Variants in DLG2 observed in about 807,000 individuals in gnomAD.
The protein encoded by DLG2 is discs large MAGUK scaffold protein 2, also known as disks large homolog 2.
In DLG2, 45 loss-of-function variants were observed where a neutral mutation model predicts 132.5. The observed-to-expected ratio is 0.34, with a 90% CI of 0.27 to 0.44. The LOEUF (loss-of-function observed/expected upper bound fraction) is 0.44. Among genes scored for constraint, DLG2 ranks in the 20% least tolerant of loss-of-function variants. The pLI is 1.00. For synonymous variants in DLG2, 424 were observed against 419.6 expected (o/e 1.01, Z -0.13); for missense variants, 1,045 against 1,196.9 (o/e 0.87, Z 1.87).
In DLG2 at chr11:84,307,478, C is replaced by G. The variant is rs188604089; in HGVS notation, c.520-56187G>C. Among the ~76,000 whole-genome samples the G allele has an allele frequency of 6.4e-3, 974 of 152,152 alleles. 4 individuals are homozygous for G. The highest frequency in any genetic ancestry group is 0.01 in the Non-Finnish European group (700 of 67,998). ...GCCGCAGGCCAAGGCGGGTGGATCA[C>G]GAAGTCAGGAGATCCAGACCATCCT... is the stretch of plus-strand genomic sequence containing the variant. On this transcript the variant is annotated intron_variant, in intron 7 of 27. Transcript: ENST00000376104.
At chr11:83,953,570 G>A (rs2086040415) in intron 14 of DLG2, among the ~76,000 whole-genome samples, 2 of 152,132 alleles carry the variant, frequency 1.3e-5, no homozygotes, top group African/African-American at 2.4e-5. Context: ...AAAGGTTAGG[G>A]ACCACTGATA....
At chr11:83,678,156 A>G (rs2078092512) in intron 18 of DLG2, among the ~76,000 whole-genome samples, 1 of 152,210 alleles carries the variant, frequency 6.6e-6, no homozygotes. Context: ...CCTCTGAACT[A>G]GAAAAGCCAA....
At chr11:84,177,318 G>A (rs1034428707) in intron 8 of DLG2, among the ~76,000 whole-genome samples, 6 of 151,836 alleles carry the variant, frequency 4.0e-5, no homozygotes, top group African/African-American at 9.7e-5. Context: ...GCCCTCCTAC[G>A]CACTCTAATA....
In DLG2 at chr11:84,481,351, A is replaced by G. The variant is rs544411136; in HGVS notation, c.519+53219T>C. On this transcript the variant is annotated intron_variant, in intron 7 of 27. Transcript: ENST00000376104. ...CTGCATCATTAGATCTCTTCTGCTG[A>G]GTCTTCTTTTACCCAGAGGCCTCTT... Among the ~76,000 whole-genome samples the G allele has an allele frequency of 2.0e-5, 3 of 152,096 alleles. No homozygotes were observed. The South Asian group carries it at 6.2e-4, about 32-fold the overall frequency.
At chr11:85,430,789 C>G (rs2091124140) in intron 3 of DLG2, among the ~76,000 whole-genome samples, 1 of 146,408 alleles carries the variant, frequency 6.8e-6, no homozygotes, top group Non-Finnish European at 1.5e-5. Flanking sequence ...AACACTCAAT[C>G]AGGAAAACAT....
intron 10 of DLG2, among the ~76,000 whole-genome samples, chr11:84,084,086 C>T (rs1441257940): frequency 6.6e-6 from 1 of 151,876 alleles, no homozygotes; most frequent in Admixed American, 6.6e-5. Context: ...TTGACAGTGC[C>T]AGCTTTATGA....
At chr11:85,009,796 A>C (rs925846194) in intron 6 of DLG2, among the ~76,000 whole-genome samples, 1 of 152,070 alleles carries the variant, frequency 6.6e-6, no homozygotes, top group African/African-American at 2.4e-5. Context: ...AAATGCAGCA[A>C]TTAGAGTTTA....
chr11:84,376,115 T>A (rs570642996), intron 7 of DLG2, among the ~76,000 whole-genome samples: 17 of 152,150 alleles, frequency 1.1e-4, no homozygotes, highest in Admixed American at 1.1e-3. Context: ...TTTGCTTAAA[T>A]TATCATCAAT....
chr11:85,291,504 T>C (rs2078887354), intron 3 of DLG2, among the ~76,000 whole-genome samples: 1 of 152,108 alleles, frequency 6.6e-6, no homozygotes, highest in Non-Finnish European at 1.5e-5. Flanking sequence ...CATTTGGTTT[T>C]TGGTGATTGG....
intron 6 of DLG2, among the ~76,000 whole-genome samples, chr11:84,973,600 A>T (rs913245274): frequency 2.0e-5 from 3 of 152,202 alleles, no homozygotes; most frequent in Non-Finnish European, 4.4e-5. Context: ...CATTGATACA[A>T]AATGATTTGA....
chr11:83,618,346 T>C (rs1235217686), intron 19 of DLG2, among the ~76,000 whole-genome samples: 3 of 152,202 alleles, frequency 2.0e-5, no homozygotes, highest in South Asian at 2.1e-4. Flanking sequence ...ATGAGAGAGA[T>C]TGGAGTATAA....
chr11:84,507,665 G>A (rs1370498389), intron 7 of DLG2, among the ~76,000 whole-genome samples: 2 of 152,154 alleles, frequency 1.3e-5, no homozygotes, highest in African/African-American at 4.8e-5. Flanking sequence ...AGTCCGTTGA[G>A]AGTTTTTCAT....
chr11:83,895,579 G>C (rs1165878140), intron 15 of DLG2, among the ~76,000 whole-genome samples: 1 of 151,944 alleles, frequency 6.6e-6, no homozygotes, highest in African/African-American at 2.4e-5. Flanking sequence ...CTTCACACAG[G>C]GCCCTTTAAA....
intron 7 of DLG2, among the ~76,000 whole-genome samples, chr11:84,353,946 A>C (rs1004707500): frequency 1.2e-4 from 18 of 152,078 alleles, no homozygotes; most frequent in African/African-American, 4.3e-4. Context: ...AGATCCCCCC[A>C]CTCTCATTCC....
In DLG2 at chr11:85,576,321, A is replaced by T. The variant is rs114075384; in HGVS notation, c.40+22336T>A. Among the ~76,000 whole-genome samples, 533 of 152,222 alleles carry T rather than the reference A, an allele frequency of 3.5e-3. 1 individual carries two copies. Among genetic ancestry groups the T allele is most frequent in the African/African-American group, 0.012 (518 of 41,542 alleles). On this transcript the variant is annotated intron_variant, in intron 3 of 27. Coordinates refer to ENST00000376104, the MANE Select transcript of DLG2 (RefSeq NM_001142699.3). ...TGTTTTGATTGTTGCATACCAGCAA[A>T]CTCCAAGAGATTGCCTAGCAATGCA...
At position 83,455,711 on chromosome 11, in the gene DLG2, C is replaced by T. The variant is rs527522901; in HGVS notation, c.*4107G>A. The T allele has an allele frequency of 9.2e-5, 14 of 152,644 alleles. No homozygotes were observed. Among genetic ancestry groups the T allele is most frequent in the Admixed American group, 3.9e-4 (6 of 15,292 alleles). 9.5% of individuals were successfully genotyped at this position (152,644 alleles called of 1,614,324 possible). A position where few individuals can be genotyped will look rare whatever the true frequency, so the allele number is the denominator to read the frequency against. On this transcript the variant is annotated 3_prime_UTR_variant, in exon 28 of 28. Transcript: ENST00000376104. ...CCACAGTCATTCATACTCAATGTAACGTGTGTACATGGTATACATACCATA... is the reference window on the plus strand; with the variant it reads ...CCACAGTCATTCATACTCAATGTAATGTGTGTACATGGTATACATACCATA...
chr11:83,886,752 C>T (rs191805591), intron 15 of DLG2, among the ~76,000 whole-genome samples: 114 of 152,290 alleles, frequency 7.5e-4, no homozygotes, highest in East Asian at 1.9e-3. Context: ...AACTGTCTCT[C>T]AGACCACAGC....
intron 22 of DLG2, among the ~76,000 whole-genome samples, chr11:83,479,157 G>A (rs983933981): frequency 6.7e-6 from 1 of 150,362 alleles, no homozygotes; most frequent in Admixed American, 6.6e-5. Flanking sequence ...ATTGACCAAG[G>A]GTATCTCATT....
At chr11:85,122,542 T>C (rs1217366715) in intron 5 of DLG2, among the ~76,000 whole-genome samples, 1 of 152,172 alleles carries the variant, frequency 6.6e-6, no homozygotes, top group Non-Finnish European at 1.5e-5. Flanking sequence ...GGCCATGTGC[T>C]GCAGGGGAAA....
Sources: allele counts gnomAD v4.1 joint callset (sites outside exome capture counted in the v4.1 genomes callset), GRCh38; gene constraint gnomAD v4.1.1; transcripts MANE v1.5; gene names NCBI Gene and HGNC (gene_info 2026-07-23, HGNC 2026-07-21).